The following SPATA9 variants were observed in gnomAD, a reference collection of about 807,000 sequenced individuals.
SPATA9 encodes spermatogenesis associated 9.
A neutral mutation model predicts 25.5 loss-of-function variants in SPATA9; 27 were observed. That is an observed-to-expected ratio of 1.06 (90% CI 0.78 to 1.46). The LOEUF is 1.46. SPATA9 is among the 40% of genes most tolerant of loss of function. The pLI, the probability that SPATA9 is intolerant of heterozygous loss-of-function variation, is 0.00. For synonymous variants in SPATA9, 102 were observed against 105.7 expected (o/e 0.97, Z 0.21); for missense variants, 282 against 297.5 (o/e 0.95, Z 0.38).
At chr5:95,674,383 G>T (rs1196331738) in intron 3 of SPATA9, among the ~76,000 whole-genome samples, 2 of 152,164 alleles carry the variant, frequency 1.3e-5, no homozygotes. Context: ...CAGCTCTAGG[G>T]ATAAGCAGGT....
downstream of SPATA9, among the ~76,000 whole-genome samples, chr5:95,654,907 A>G (rs1750643143): frequency 6.6e-6 from 1 of 152,068 alleles, no homozygotes; most frequent in African/African-American, 2.4e-5. Flanking sequence ...TTTTTATAAT[A>G]TAACAAAAAT....
the SPATA9 span, chr5:95,719,822 G>A: frequency 6.6e-6 from 1 of 152,214 alleles, no homozygotes; most frequent in African/African-American, 2.4e-5. Flanking sequence ...GGCATAAATT[G>A]GCTTAATGCA....
the SPATA9 span, among the ~76,000 whole-genome samples, chr5:95,707,294 T>C: frequency 6.6e-6 from 1 of 152,134 alleles, no homozygotes; most frequent in Admixed American, 6.5e-5. Context: ...GATTAACACA[T>C]GGATTAGTTA....
chr5:95,654,359 GAT>G (rs1750588569), downstream of SPATA9: 1 of 1,594,248 alleles, frequency 6.3e-7, no homozygotes, highest in Non-Finnish European at 8.6e-7. Flanking sequence ...ACATTTGGGA[GAT>G]ATAGAGGTAT....
At chr5:95,661,591 G>A (rs1284277834) in intron 4 of SPATA9, among the ~76,000 whole-genome samples, 2 of 152,022 alleles carry the variant, frequency 1.3e-5, no homozygotes, top group African/African-American at 4.8e-5. Context: ...TTCATTTTGT[G>A]CAATGTATTT....
chr5:95,691,215 C>CAAA lies in SPATA9; in HGVS notation n.124+7370_124+7372dup, dbSNP rs35098619. 3.2e-3 allele frequency among the ~76,000 whole-genome samples: 441 copies of CAAA among 139,072 alleles called. 11 individuals carry two copies. Among genetic ancestry groups the CAAA allele is most frequent in the East Asian group, 0.031 (151 of 4,816 alleles). 91.2% of individuals were successfully genotyped at this position (139,072 alleles called of 152,430 possible). A position where few individuals can be genotyped will look rare whatever the true frequency, so the allele number is the denominator to read the frequency against. On this transcript the variant is annotated intron_variant and non_coding_transcript_variant, in intron 1 of 2. Coordinates refer to the SPATA9 transcript ENST00000379990. ...TGGGCGACAGAGCAAGACTCCGTCT[C>CAAA]AAAAAAAAAAAAAAATTCATTTATT...
the SPATA9 span, chr5:95,719,804 T>C: frequency 6.6e-6 from 1 of 152,112 alleles, no homozygotes; most frequent in Non-Finnish European, 1.5e-5. Flanking sequence ...TTTTAGAAAA[T>C]TGGTCAAGGC....
At chr5:95,697,094 T>C (rs1395400742) in intron 1 of SPATA9, among the ~76,000 whole-genome samples, 2 of 152,202 alleles carry the variant, frequency 1.3e-5, no homozygotes, top group Non-Finnish European at 2.9e-5. Flanking sequence ...AACAATAAAC[T>C]TTTGTTATCT....
chr5:95,712,215 A>G, the SPATA9 span, among the ~76,000 whole-genome samples: 16 of 152,238 alleles, frequency 1.1e-4, no homozygotes, highest in Admixed American at 4.6e-4. Flanking sequence ...AATGATGGCA[A>G]GCTGTTTCAT....
downstream of SPATA9, chr5:95,652,874 T>C: frequency 2.2e-6 from 1 of 462,878 alleles, no homozygotes; most frequent in Non-Finnish European, 3.7e-6. Flanking sequence ...CATCCATTGT[T>C]GTTTTGCTAT....
chr5:95,668,851 A>G (rs1752076361), intron 3 of SPATA9, among the ~76,000 whole-genome samples: 1 of 152,204 alleles, frequency 6.6e-6, no homozygotes, highest in East Asian at 1.9e-4. Flanking sequence ...AGCAGTAAAG[A>G]TTCACTTATA....
At chr5:95,726,881 G>A in the SPATA9 span, among the ~76,000 whole-genome samples, 21 of 152,172 alleles carry the variant, frequency 1.4e-4, no homozygotes, top group Admixed American at 3.9e-4. Flanking sequence ...AACACTCCTT[G>A]TATCTGCCCA....
At chr5:95,717,187 C>T in the SPATA9 span, 1 of 152,144 alleles carries the variant, frequency 6.6e-6, no homozygotes, top group Non-Finnish European at 1.5e-5. Flanking sequence ...CAGCCGAAGG[C>T]CTTAACAGAA....
the SPATA9 span, among the ~76,000 whole-genome samples, chr5:95,716,729 T>C: frequency 6.6e-6 from 1 of 152,200 alleles, no homozygotes. Flanking sequence ...ATGATTTGGC[T>C]ATGTCCCCAA....
chr5:95,731,632 G>A, the SPATA9 span: 5 of 1,611,170 alleles, frequency 3.1e-6, no homozygotes, highest in South Asian at 1.1e-5. Flanking sequence ...CCGCGAAGCC[G>A]TGAGCCGCTG....
chr5:95,718,946 C>T, the SPATA9 span, among the ~76,000 whole-genome samples: 1,238 of 152,170 alleles, frequency 8.1e-3, 15 homozygotes, highest in African/African-American at 0.026. Context: ...TGTTGGATAA[C>T]TGAATGTGTT....
chr5:95,729,175 C>T, the SPATA9 span, among the ~76,000 whole-genome samples: 1 of 152,196 alleles, frequency 6.6e-6, no homozygotes, highest in Non-Finnish European at 1.5e-5. Context: ...TATTCCTTTA[C>T]TTTCTTAATA....
At position 95,680,689 on chromosome 5, in the gene SPATA9, T is replaced by C. The variant is rs185673678; in HGVS notation, c.150+1839A>G. On this transcript the variant is annotated intron_variant, in intron 2 of 4. Coordinates refer to ENST00000274432, the MANE Select transcript of SPATA9 (RefSeq NM_031952.4). ...CAGTTAGTTAAAGACATGGTTTAACTATACACTATAACAACACACTATACA... is the reference window on the plus strand; with the variant it reads ...CAGTTAGTTAAAGACATGGTTTAACCATACACTATAACAACACACTATACA... Among the ~76,000 whole-genome samples the C allele has an allele frequency of 1.4e-3, 213 of 152,348 alleles. 1 individual carries two copies. The highest frequency in any genetic ancestry group is 2.2e-3 in the Non-Finnish European group (147 of 68,032).
Position 95,660,371 on chromosome 5 carries a change from A to G in SPATA9, c.475-1458T>C, listed in dbSNP as rs975586126. On this transcript the variant is annotated intron_variant, in intron 4 of 4. Coordinates refer to ENST00000274432, the MANE Select transcript of SPATA9 (RefSeq NM_031952.4). ...CCACCTTGGGATTAGATTTTAACAT[A>G]AGAATTTGGGGGAAGCACGGACATT... is the stretch of plus-strand genomic sequence containing the variant. Among the ~76,000 whole-genome samples, 3 of 152,114 alleles carry G rather than the reference A, an allele frequency of 2.0e-5. No homozygotes were observed. In the South Asian group the frequency reaches 6.2e-4, roughly 32 times the overall value.
Sources: gnomAD v4.1 joint callset for allele counts (sites outside exome capture counted in the v4.1 genomes callset) on GRCh38, gnomAD v4.1.1 for gene constraint, MANE v1.5 for transcripts, NCBI Gene and HGNC (gene_info 2026-07-23, HGNC 2026-07-21) for gene names.